The following CLUH variants were observed in gnomAD, a reference collection of about 807,000 sequenced individuals.
The protein encoded by CLUH is clustered mitochondria protein homolog.
Under a neutral mutation model 139.3 loss-of-function variants are expected in CLUH, and 77 were observed. The ratio of observed to expected loss-of-function variants is 0.55; its 90% CI spans 0.46 to 0.67. CLUH has a LOEUF of 0.67. CLUH is among the 30% of genes least tolerant of loss of function. The pLI is 0.00. For missense variants in CLUH, 1,876 were observed against 1,875.8 expected (o/e 1.00, Z 0.00); for synonymous variants, 999 against 801.6 (o/e 1.25, Z -4.16).
Position 2,698,250 on chromosome 17 carries a change from T to G in CLUH, c.1607A>C (p.Gln536Pro). The change falls in exon 10 of 26, where the codon CAG becomes CCG. Residue 536 changes from glutamine (Q) to proline (P), a missense_variant. Gln to Pro is a moderately conservative substitution (Grantham distance 76). Around this residue, in one of 3 missense-constraint regions of CLUH, gnomAD observed 1,454 missense variants for 1,384.4 expected, o/e 1.05. Transcript: ENST00000651024. The stretch of plus-strand genomic sequence containing the variant: ...GTCGATGGAGCCGTAGATGACGCTC[T>G]GCTCCTGGTCCCGCTCCAGGATGCC... ...IPGILERDQE[Q>P]SVIYGSIDFG... 6.2e-7 allele frequency: 1 copy of G among 1,605,276 alleles called. No homozygotes were observed. Among genetic ancestry groups the G allele is most frequent in the Non-Finnish European group, 8.5e-7 (1 of 1,176,516 alleles).
rs770395258 is a variant in CLUH at position 2,692,704 on chromosome 17, C to T, written c.3313-8G>A. Reference sequence around the variant, plus strand: ...GTACAGGGCCAGGTGCATCTGCGGGCGGGGCGGAGACAGGTCAGGGTGGCC... The same window carrying T: ...GTACAGGGCCAGGTGCATCTGCGGGTGGGGCGGAGACAGGTCAGGGTGGCC... On this transcript the variant is annotated splice_region_variant and splice_polypyrimidine_tract_variant and intron_variant, in intron 20 of 25. Coordinates refer to ENST00000651024, the MANE Select transcript of CLUH (RefSeq NM_001366661.1). The T allele has an allele frequency of 6.2e-6, 10 of 1,609,086 alleles. No individual in the cohort carries two copies. The highest frequency in any genetic ancestry group is 7.6e-6 in the Non-Finnish European group (9 of 1,177,544).
rs1567580049 is a variant in CLUH, at chr17:2,693,899, C to T, written c.3231+1G>A. 1 of 1,609,628 alleles carries T rather than the reference C, an allele frequency of 6.2e-7. No homozygotes were observed. Among genetic ancestry groups the T allele is most frequent in the Non-Finnish European group, 8.5e-7 (1 of 1,178,072 alleles). ...CTTTGCTGCCACAGCCCAGAGGGTA[C>T]CTCTGCGTAGTCGCCCATGATGTAG... On this transcript the variant is annotated splice_donor_variant, in intron 19 of 25. Transcript: ENST00000651024. LOFTEE classifies it high-confidence loss of function.
intron 23 of CLUH, 25 bp downstream of exon 23, chr17:2,691,979 C>CCCCGCCCCCGCCGCGCCCCG (rs774888368): frequency 1.5e-6 from 1 of 683,228 alleles, no homozygotes; most frequent in African/African-American, 6.8e-5. Flanking sequence ...CCCGCCCCCG[C>CCCCGCCCCCGCCGCGCCCCG]CCCCGCCACG....
chr17:2,695,413 C>T lies in CLUH; in HGVS notation c.2505G>A (p.Val835=), dbSNP rs912511126. ...MRYLGKVLEL[V]LRSPARHQLD... ...GCTGGTGGCGGGCCGGGCTCCGCAG[C>T]ACCAGCTCCAGCACCTTGCCCAGGT... Residue 835 remains valine (V), a synonymous_variant, in exon 14 of 26, where the codon GTG becomes GTA. Transcript: ENST00000651024. 6.2e-7 allele frequency: 1 copy of T among 1,612,612 alleles called. No individual in the cohort carries two copies. Among genetic ancestry groups the T allele is most frequent in the Non-Finnish European group, 8.5e-7 (1 of 1,179,768 alleles).
rs1354644346 is a variant in CLUH at position 2,704,841 on chromosome 17, A to G, written c.101-277T>C. On this transcript the variant is annotated intron_variant, in intron 1 of 25. Transcript: ENST00000651024. The surrounding 1 kb of genome is among the most constrained non-coding windows in gnomAD (Gnocchi z 5.7). ...CCAGGGTCACCAAAGCCACCCTTCA[A>G]GCCAAGCCCGAGGGTCTCCTCCGGC... Among the ~76,000 whole-genome samples the G allele has an allele frequency of 2.0e-5, 3 of 152,050 alleles. No homozygotes were observed. The highest frequency in any genetic ancestry group is 2.9e-5 in the Non-Finnish European group (2 of 67,970).
At chr17:2,702,375 G>T (rs966036122) in intron 3 of CLUH, among the ~76,000 whole-genome samples, 8 of 152,164 alleles carry the variant, frequency 5.3e-5, no homozygotes, top group African/African-American at 1.4e-4. Flanking sequence ...GTGTCGGCTG[G>T]GCAGGGCTTT....
At position 2,703,966 on chromosome 17, in the gene CLUH, C is replaced by A. The variant is rs1238667186; in HGVS notation, c.303+396G>T. 1.3e-5 allele frequency among the ~76,000 whole-genome samples: 2 copies of A among 152,212 alleles called. No homozygotes were observed. The highest frequency in any genetic ancestry group is 2.4e-5 in the African/African-American group (1 of 41,442). ...ACTGAGTCACCGGCTTGCAAGACCT[C>A]CACGCTGGCTCTGCCCTTGGAGATA... On this transcript the variant is annotated intron_variant, in intron 2 of 25. Coordinates refer to ENST00000651024, the MANE Select transcript of CLUH (RefSeq NM_001366661.1). This position sits in a 1 kb window ranked among gnomAD's most constrained non-coding sequence, Gnocchi z 4.2.
At chr17:2,694,426 GAC>G in intron 17 of CLUH, 52 bp downstream of exon 17, 1 of 923,522 alleles carries the variant, frequency 1.1e-6, no homozygotes, top group Non-Finnish European at 1.6e-6. Context: ...CTGCAGCAGG[GAC>G]GCAGCGGGGA....
At position 2,700,652 on chromosome 17, in the gene CLUH, C is replaced by T. The variant is rs185516714; in HGVS notation, c.1173+26G>A. 5.9e-6 allele frequency: 9 copies of T among 1,516,326 alleles called. 1 individual carries two copies. The highest frequency in any genetic ancestry group is 3.9e-5 in the South Asian group (3 of 75,966). The allele number at this position is 1,516,326 out of a possible 1,614,324, so 93.9% of individuals were successfully genotyped here. A position where few individuals can be genotyped will look rare whatever the true frequency, so the allele number is the denominator to read the frequency against. ...CACCCAGGAGGGCAGGGGTGCCCAG[C>T]GAGGGCAGGGCCAGGTTGCAGGCAC... On this transcript the variant is annotated intron_variant, in intron 8 of 25. Transcript: ENST00000651024.
Position 2,696,834 on chromosome 17 carries a change from GGAC to G in CLUH, c.2067_2069del (p.Glu689_Ser690delinsAsp). 6.2e-7 allele frequency: 1 copy of G among 1,613,580 alleles called. No homozygotes were observed. The highest frequency in any genetic ancestry group is 2.2e-5 in the East Asian group (1 of 44,868). On this transcript the variant is annotated inframe_deletion, in exon 11 of 26. Transcript: ENST00000651024. Reference sequence around the variant, plus strand: ...CCTGTCCTGGAGGATCCTCAGACTTGGACTCCAAGGAGGAAGGACCACCATTTT... The same window carrying G: ...CCTGTCCTGGAGGATCCTCAGACTTGTCCAAGGAGGAAGGACCACCATTTT...
chr17:2,691,973 C>CA (rs1555529497), intron 23 of CLUH, 31 bp downstream of exon 23: 1 of 455,510 alleles, frequency 2.2e-6, no homozygotes, highest in Admixed American at 9.5e-5. Context: ...CCCCGCCCCG[C>CA]CCCCGCCCCC....
In CLUH at chr17:2,701,923, C is replaced by T. The variant is rs759094720; in HGVS notation, c.610G>A (p.Asp204Asn). The T allele has an allele frequency of 4.3e-6, 7 of 1,613,818 alleles. No homozygotes were observed. The highest frequency in any genetic ancestry group is 1.7e-5 in the Admixed American group (1 of 60,030). Residue 204 changes from aspartate to asparagine, a missense_variant, in exon 4 of 26, where the codon GAC (aspartate) becomes AAC (asparagine). By Grantham distance (23) the Asp-to-Asn change is conservative (BLOSUM62 1). This residue lies in a region of CLUH where 270 missense variants were observed against 354.7 expected (regional missense o/e 0.76). Transcript: ENST00000651024. ...LSFLSVFTDG[D>N]LGDSGKRKKG... ...CCAGTGCCTCCCGCACCTCCCAGGT[C>T]GCCGTCGGTGAAGACACTCAGGAAG... is the stretch of plus-strand genomic sequence containing the variant.
intron 13 of CLUH, 111 bp from the exon 14 acceptor site, chr17:2,695,637 G>A (rs940328487): frequency 2.2e-6 from 3 of 1,342,004 alleles, no homozygotes; most frequent in African/African-American, 1.5e-5. Flanking sequence ...GACCCCGAAG[G>A]CTCCAGCTCC....
chr17:2,696,459 G>T lies in CLUH; in HGVS notation c.2265C>A (p.Arg755=), dbSNP rs1042474786. 11 of 1,594,810 alleles carry T rather than the reference G, an allele frequency of 6.9e-6. No homozygotes were observed. In the African/African-American group the frequency reaches 1.2e-4, roughly 18 times the overall value. The change falls in exon 12 of 26, where the codon CGC becomes CGA. Residue 755 remains arginine, a synonymous_variant. Coordinates refer to ENST00000651024, the MANE Select transcript of CLUH (RefSeq NM_001366661.1). ...GSISSTAFDI[R]FNPDIFSPGV... ...CTGGTGAGAAGATGTCAGGATTGAA[G>T]CGAATGTCGAAGGCGGTGCTGCTGA... is the stretch of plus-strand genomic sequence containing the variant.
In CLUH at chr17:2,692,497, TG is replaced by T. The variant is rs71377527; in HGVS notation, c.3439-16del. ...CCGATGTTGTTCTGGGGGCAGGCGG[TG>T]GGGGGCCCTGGTCAGCTCCCGGTCC... On this transcript the variant is annotated splice_polypyrimidine_tract_variant and intron_variant, in intron 21 of 25. Transcript: ENST00000651024. The T allele has an allele frequency of 1.0e-5, 16 of 1,595,880 alleles. No individual in the cohort carries two copies. The highest frequency in any genetic ancestry group is 5.0e-5 in the Admixed American group (3 of 59,656).
chr17:2,697,733 A>T (rs1165540280), intron 10 of CLUH, among the ~76,000 whole-genome samples, 163 bp downstream of exon 10: 1 of 152,200 alleles, frequency 6.6e-6, no homozygotes, highest in Non-Finnish European at 1.5e-5. Context: ...CGGGAGCCTG[A>T]CAGCAGGGCA....
rs547431947 is a variant in CLUH, at chr17:2,693,912, G to A, written c.3219C>T (p.Gly1073=). 68 of 1,612,586 alleles carry A rather than the reference G, an allele frequency of 4.2e-5. No homozygotes were observed. Among genetic ancestry groups the A allele is most frequent in the African/African-American group, 5.3e-5 (4 of 75,044 alleles). The change falls in exon 19 of 26, where the codon GGC becomes GGT. Residue 1073 remains glycine, a synonymous_variant. Coordinates refer to ENST00000651024, the MANE Select transcript of CLUH (RefSeq NM_001366661.1). ...RLLARLHYIM[G]DYAEALSNQQ... Reference sequence around the variant, plus strand: ...GCCCAGAGGGTACCTCTGCGTAGTCGCCCATGATGTAGTGGAGGCGGGCGA... The same window carrying A: ...GCCCAGAGGGTACCTCTGCGTAGTCACCCATGATGTAGTGGAGGCGGGCGA...
rs1463695639 is a variant in CLUH at position 2,711,582 on chromosome 17, T to G, written c.80A>C (p.Lys27Thr). The change falls in exon 1 of 26, where the codon AAG becomes ACG. Residue 27 changes from lysine (K) to threonine (T), a missense_variant. By Grantham distance (78) the Lys-to-Thr change is moderately conservative. Transcript: ENST00000651024. The part of the protein sequence containing the change: ...AREHGSQAGG[K>T]GRPGAAELPS... ...CTCACCGGCCGCGCCCGGCCGCCCC[T>G]TGCCCCCGGCCTGCGAGCCGTGTTC... 72 of 973,492 alleles carry G rather than the reference T, an allele frequency of 7.4e-5. No homozygotes were observed. The highest frequency in any genetic ancestry group is 8.4e-5 in the Non-Finnish European group (69 of 825,700). The allele number at this position is 973,492 out of a possible 1,614,324, so 60.3% of individuals were successfully genotyped here.
intron 10 of CLUH, among the ~76,000 whole-genome samples, chr17:2,697,661 G>T (rs1339632293): frequency 6.6e-6 from 1 of 152,162 alleles, no homozygotes; most frequent in African/African-American, 2.4e-5. Flanking sequence ...AGAGAACAGT[G>T]TCCGCCACAG....
Sources: allele counts gnomAD v4.1 joint callset (sites outside exome capture counted in the v4.1 genomes callset), GRCh38; gene constraint gnomAD v4.1.1; regional missense constraint gnomAD v4.1.1; non-coding constraint Gnocchi (gnomAD v3.1); transcripts MANE v1.5; gene names NCBI Gene and HGNC (gene_info 2026-07-23, HGNC 2026-07-21).